The following ACOT11 variants were observed in gnomAD, a reference collection of about 807,000 sequenced individuals.
ACOT11 encodes the protein acyl-coenzyme A thioesterase 11.
ACOT11 carries 69 observed loss-of-function variants against 77.5 expected under a neutral mutation model. That is an observed-to-expected ratio of 0.89 (90% CI 0.73 to 1.09). The LOEUF (loss-of-function observed/expected upper bound fraction) is 1.09. ACOT11 is among the 50% of genes least tolerant of loss of function. The pLI is 0.00. For synonymous variants in ACOT11, 279 were observed against 313.0 expected, an observed-to-expected ratio of 0.89 and a Z score of 1.15; for missense variants, 766 against 813.7, an observed-to-expected ratio of 0.94 and a Z score of 0.71.
chr1:54,635,365 T>C (rs1644325500), exon 17 of ACOT11: 2 of 288,810 alleles, frequency 6.9e-6, no homozygotes, highest in East Asian at 1.3e-4. Context: ...GTTCCTATTA[T>C]CTGGAACCAT....
intron 1 of ACOT11, among the ~76,000 whole-genome samples, chr1:54,562,940 G>A (rs1254797133): frequency 6.9e-6 from 1 of 144,422 alleles, no homozygotes; most frequent in East Asian, 2.0e-4. Flanking sequence ...GCCAGGCAGA[G>A]GGGCTCCTCA....
intron 11 of ACOT11, 32 bp downstream of exon 11, chr1:54,603,969 C>T (rs1342746437): frequency 6.2e-7 from 1 of 1,606,516 alleles, no homozygotes; most frequent in Admixed American, 1.7e-5. Context: ...GGACAGTCTT[C>T]AGACCCACCG....
At chr1:54,633,893 A>T (rs1569820557) in intron 16 of ACOT11, among the ~76,000 whole-genome samples, 2 of 152,354 alleles carry the variant, frequency 1.3e-5, no homozygotes, top group East Asian at 3.9e-4. Context: ...TAAAGCTCAG[A>T]TAAATAGAAT....
At position 54,609,630 on chromosome 1, in the gene ACOT11, C is replaced by A. The variant is rs1644089943; in HGVS notation, c.*518C>A. On this transcript the variant is annotated 3_prime_UTR_variant, in exon 16 of 16. Transcript: ENST00000343744. ...ACGTGGGGGAAGACCTCAGCCACAG[C>A]TGTAAGCAGCTCTCTGCCAGCCACA... The A allele has an allele frequency of 6.2e-7, 1 of 1,613,652 alleles. No homozygotes were observed. Among genetic ancestry groups the A allele is most frequent in the African/African-American group, 1.3e-5 (1 of 74,944 alleles).
rs1470461977 is a variant in ACOT11, at chr1:54,628,594, C to G, written c.1630-2140C>G. ...TGGGCATCAGAGCAAGACCCCATCG[C>G]CCCCCCCCCCCAAAAAAGGAAAAAA... is the stretch of plus-strand genomic sequence containing the variant. On this transcript the variant is annotated intron_variant, in intron 15 of 16. Coordinates refer to the ACOT11 transcript ENST00000371316. Among the ~76,000 whole-genome samples, 3 of 58,996 alleles carry G rather than the reference C, an allele frequency of 5.1e-5. 1 individual carries two copies. The highest frequency in any genetic ancestry group is 1.0e-4 in the Non-Finnish European group (3 of 29,490). The allele number at this position is 58,996 out of a possible 152,430, so 38.7% of individuals were successfully genotyped here. A position where few individuals can be genotyped will look rare whatever the true frequency, so the allele number is the denominator to read the frequency against.
chr1:54,614,986 C>A, downstream of ACOT11: 1 of 914,898 alleles, frequency 1.1e-6, no homozygotes, highest in East Asian at 2.6e-5. Context: ...CAGGGGAGGG[C>A]GGAAGGACCA....
chr1:54,594,528 G>T (rs768116080), intron 5 of ACOT11, 28 bp from the exon 6 acceptor site: 20 of 1,599,040 alleles, frequency 1.3e-5, no homozygotes, highest in Non-Finnish European at 1.6e-5. Context: ...TGCCCTGAGT[G>T]TCCCCCACCC....
At chr1:54,573,668 G>C (rs1653998558) in intron 1 of ACOT11, among the ~76,000 whole-genome samples, 1 of 152,194 alleles carries the variant, frequency 6.6e-6, no homozygotes, top group Non-Finnish European at 1.5e-5. Context: ...CGGAGGTGGA[G>C]GTTGCAGTGA....
In ACOT11 at chr1:54,571,456, C is replaced by T. The variant is rs570547549; in HGVS notation, c.34-13199C>T. Among the ~76,000 whole-genome samples, 4 of 152,256 alleles carry T rather than the reference C, an allele frequency of 2.6e-5. 1 individual carries two copies. The East Asian group carries it at 5.8e-4, about 22-fold the overall frequency. On this transcript the variant is annotated intron_variant, in intron 1 of 15. Coordinates refer to ENST00000343744, the MANE Select transcript of ACOT11 (RefSeq NM_147161.4). ...AGCATCTGGAGTGTGGATGGTGCCG[C>T]GTAGAGAGTTGCTGGCACACCTGCT...
chr1:54,609,828 G>A lies in ACOT11; in HGVS notation c.*716G>A, dbSNP rs1383624243. On this transcript the variant is annotated 3_prime_UTR_variant, in exon 16 of 16. Coordinates refer to ENST00000343744, the MANE Select transcript of ACOT11 (RefSeq NM_147161.4). ...TGTCCGGGATGTGTGGCCAGCTGCT[G>A]CAGGCAGGACTCCAGCGTCAGGATG... 11 of 1,614,192 alleles carry A rather than the reference G, an allele frequency of 6.8e-6. No homozygotes were observed. The highest frequency in any genetic ancestry group is 8.5e-6 in the Non-Finnish European group (10 of 1,180,044).
chr1:54,624,451 G>A (rs1006554711), intron 15 of ACOT11, among the ~76,000 whole-genome samples: 3 of 152,158 alleles, frequency 2.0e-5, no homozygotes, highest in East Asian at 1.9e-4. Context: ...CGGCCTTCCC[G>A]AGGAGGGAAC....
In ACOT11 at chr1:54,593,107, G is replaced by C. The variant is rs555873835; in HGVS notation, c.372+501G>C. Among the ~76,000 whole-genome samples the C allele has an allele frequency of 5.9e-5, 9 of 152,250 alleles. No homozygotes were observed. In the South Asian group the frequency reaches 1.5e-3, roughly 25 times the overall value. On this transcript the variant is annotated intron_variant, in intron 4 of 15. Coordinates refer to ENST00000343744, the MANE Select transcript of ACOT11 (RefSeq NM_147161.4). The stretch of plus-strand genomic sequence containing the variant: ...TGATGCCCAGGGTTCTGTGAGCTGT[G>C]GGGGAGGGCTCTATTTCCCACCTAT...
downstream of ACOT11, chr1:54,610,880 G>T: frequency 2.0e-6 from 2 of 985,406 alleles, no homozygotes; most frequent in Non-Finnish European, 2.4e-6. Context: ...TGGCTTAACT[G>T]CGGCTCTTCT....
chr1:54,559,909 G>A (rs995240546), intron 1 of ACOT11, among the ~76,000 whole-genome samples: 3 of 152,212 alleles, frequency 2.0e-5, no homozygotes, highest in Admixed American at 6.5e-5. Flanking sequence ...ACCTGGCTGA[G>A]CCAAGGAACT....
In ACOT11 at chr1:54,599,310, C is replaced by A; in HGVS notation, c.779C>A (p.Ala260Asp). Reference protein sequence around the residue: ...ATIAASRLCRAHPTLKAIEMF... With the variant: ...ATIAASRLCRDHPTLKAIEMF... The stretch of plus-strand genomic sequence containing the variant: ...TGCCTCCTCAGCCGGCTCTGCCGTG[C>A]CCACCCTACGCTGAAGGCCATTGAA... The change falls in exon 8 of 16, where the codon GCC becomes GAC. Residue 260 changes from alanine (A) to aspartate (D), a missense_variant. Ala to Asp is a moderately radical substitution (Grantham distance 126). Transcript: ENST00000343744. 1 of 1,594,888 alleles carries A rather than the reference C, an allele frequency of 6.3e-7. No individual in the cohort carries two copies. The highest frequency in any genetic ancestry group is 8.5e-7 in the Non-Finnish European group (1 of 1,170,424).
chr1:54,617,426 G>A (rs967498919), intron 15 of ACOT11, among the ~76,000 whole-genome samples: 3 of 147,848 alleles, frequency 2.0e-5, no homozygotes, highest in Non-Finnish European at 4.4e-5. Context: ...CAAAGTGAGT[G>A]TCCTAAATAT....
chr1:54,549,768 CAGCG>C (rs1465358551), intron 1 of ACOT11, among the ~76,000 whole-genome samples: 1 of 152,230 alleles, frequency 6.6e-6, no homozygotes, highest in Non-Finnish European at 1.5e-5. Flanking sequence ...AGCTTTTCAG[CAGCG>C]AGGCTAAGGG....
In ACOT11 at chr1:54,623,998, T is replaced by C. The variant is rs542005074; in HGVS notation, c.1630-6736T>C. On this transcript the variant is annotated intron_variant, in intron 15 of 16. Coordinates refer to the ACOT11 transcript ENST00000371316. ...CTGAGATTATGGTTAACAGATTATC[T>C]ACCTGGGATAGAAATGGATAGTCCT... Among the ~76,000 whole-genome samples the C allele has an allele frequency of 5.3e-5, 8 of 152,320 alleles. No individual in the cohort carries two copies. In the South Asian group the frequency reaches 1.7e-3, roughly 32 times the overall value.
intron 7 of ACOT11, 71 bp from the exon 8 acceptor site, chr1:54,599,207 TATATATATATATATATAA>T (rs1161221341): frequency 0.011 from 821 of 74,344 alleles, 60 homozygotes; most frequent in African/African-American, 0.046. Flanking sequence ...TATATATATA[TATATATATATATATATAA>T]AAATCTGGCC....
Sources: allele counts gnomAD v4.1 joint callset (sites outside exome capture counted in the v4.1 genomes callset), GRCh38; gene constraint gnomAD v4.1.1; transcripts MANE v1.5; gene names NCBI Gene and HGNC (gene_info 2026-07-23, HGNC 2026-07-21).